TENM3: variants seen among roughly 807,000 people sequenced by gnomAD.
The protein encoded by TENM3 is teneurin-3.
TENM3 carries 63 observed loss-of-function variants against 255.1 expected under a neutral mutation model. The ratio of observed to expected loss-of-function variants is 0.25; its 90% CI spans 0.20 to 0.30. The LOEUF is 0.30. TENM3 is among the 10% of genes least tolerant of loss of function. TENM3 has a pLI of 1.00. For synonymous variants in TENM3, 1,306 were observed against 1,322.3 expected, an observed-to-expected ratio of 0.99 and a Z score of 0.27; for missense variants, 2,929 against 3,461.1, an observed-to-expected ratio of 0.85 and a Z score of 3.86.
chr4:182,154,733 C>T lies in TENM3; in HGVS notation c.-76+9979C>T, dbSNP rs1455890439. On this transcript the variant is annotated intron_variant, in intron 1 of 2. Coordinates refer to the TENM3 transcript ENST00000512480. ...TTCCCCTGGTTAATAATATTGAAAGCAACTTGAGAAGAAAATAGTGACATA... is the reference window on the plus strand; with the variant it reads ...TTCCCCTGGTTAATAATATTGAAAGTAACTTGAGAAGAAAATAGTGACATA... 2.0e-4 allele frequency among the ~76,000 whole-genome samples: 30 copies of T among 152,050 alleles called. No homozygotes were observed. In the South Asian group the frequency reaches 5.4e-3, roughly 27 times the overall value.
At chr4:182,432,848 G>GTTT (rs879866790) in intron 3 of TENM3, among the ~76,000 whole-genome samples, 1 of 147,906 alleles carries the variant, frequency 6.8e-6, no homozygotes, top group Non-Finnish European at 1.5e-5. Flanking sequence ...GAATGGATTT[G>GTTT]GGTGTGTGTG....
At chr4:181,726,785 C>A in the TENM3 span, among the ~76,000 whole-genome samples, 5 of 152,118 alleles carry the variant, frequency 3.3e-5, no homozygotes, top group Non-Finnish European at 7.4e-5. Context: ...AAGATCACCC[C>A]CCACTTCCAA....
chr4:181,897,345 G>C, the TENM3 span, among the ~76,000 whole-genome samples: 1 of 152,136 alleles, frequency 6.6e-6, no homozygotes, highest in Non-Finnish European at 1.5e-5. Flanking sequence ...CAGATATAAA[G>C]ACATACTAAA....
rs747263726 is a variant in TENM3, at chr4:182,738,457, A to G, written c.3292A>G (p.Thr1098Ala). Reference protein sequence around the residue: ...CLDLTLWEKRTAILQGYELDA... With the variant: ...CLDLTLWEKRAAILQGYELDA... ...GGACCTGACTCTGTGGGAAAAGAGG[A>G]CTGCCATTCTGCAGGGCTATGAATT... The change falls in exon 18 of 28, where the codon ACT becomes GCT. Residue 1098 changes from threonine to alanine, a missense_variant. Transcript: ENST00000511685. 2.5e-6 allele frequency: 4 copies of G among 1,613,382 alleles called. No homozygotes were observed. Among genetic ancestry groups the G allele is most frequent in the African/African-American group, 1.3e-5 (1 of 74,998 alleles).
chr4:182,747,848 CTGCTTGCAATA>C (rs1490741163), intron 19 of TENM3, among the ~76,000 whole-genome samples: 1 of 152,158 alleles, frequency 6.6e-6, no homozygotes, highest in Non-Finnish European at 1.5e-5. Context: ...CCCCAAGTCC[CTGCTTGCAATA>C]TTCTAAACAG....
At chr4:182,072,933 A>C in the TENM3 span, among the ~76,000 whole-genome samples, 1 of 152,220 alleles carries the variant, frequency 6.6e-6, no homozygotes, top group Non-Finnish European at 1.5e-5. Flanking sequence ...AAATGAGATT[A>C]TAAGGGTGAA....
the TENM3 span, among the ~76,000 whole-genome samples, chr4:181,948,043 C>T: frequency 6.6e-6 from 1 of 152,180 alleles, no homozygotes; most frequent in African/African-American, 2.4e-5. Flanking sequence ...TTCTCTGAGA[C>T]AGCCTTAGTA....
At chr4:182,252,782 G>A (rs745966394) in intron 1 of TENM3, among the ~76,000 whole-genome samples, 17 of 149,260 alleles carry the variant, frequency 1.1e-4, no homozygotes, top group Non-Finnish European at 1.8e-4. Context: ...TTCAGTGTCC[G>A]TTAAGTGCCA....
the TENM3 span, among the ~76,000 whole-genome samples, chr4:181,739,681 T>A: frequency 4.6e-5 from 7 of 152,190 alleles, no homozygotes; most frequent in Non-Finnish European, 7.4e-5. Flanking sequence ...GCTACCTCAG[T>A]ATGGTCTATG....
At chr4:181,749,187 T>A in the TENM3 span, among the ~76,000 whole-genome samples, 5 of 152,118 alleles carry the variant, frequency 3.3e-5, no homozygotes, top group Non-Finnish European at 5.9e-5. Context: ...TGGTGGGAAC[T>A]GTTTTGAGAA....
intron 7 of TENM3, among the ~76,000 whole-genome samples, chr4:182,674,427 T>C (rs988269728): frequency 2.6e-5 from 4 of 152,154 alleles, no homozygotes; most frequent in African/African-American, 9.6e-5. Flanking sequence ...TATCAGGCTT[T>C]AGTGTATTCA....
the TENM3 span, among the ~76,000 whole-genome samples, chr4:181,707,187 T>G: frequency 6.6e-6 from 1 of 152,284 alleles, no homozygotes; most frequent in South Asian, 2.1e-4. Flanking sequence ...CAAAATCAGG[T>G]TACCTGGAAA....
rs1561269163 is a variant in TENM3, at chr4:182,273,494, C to G, written c.-76+30018C>G. Among the ~76,000 whole-genome samples the G allele has an allele frequency of 1.3e-5, 2 of 152,186 alleles. 1 individual carries two copies. Among genetic ancestry groups the G allele is most frequent in the South Asian group, 4.1e-4 (2 of 4,832 alleles). On this transcript the variant is annotated intron_variant, in intron 1 of 27. Transcript: ENST00000511685. Reference sequence around the variant, plus strand: ...CTATTCTTTACTCTTGTGAGTGAATCAGTAACATGATAAGAATACAAGTCC... The same window carrying G: ...CTATTCTTTACTCTTGTGAGTGAATGAGTAACATGATAAGAATACAAGTCC...
the TENM3 span, among the ~76,000 whole-genome samples, chr4:181,670,632 T>C: frequency 1.3e-5 from 2 of 152,116 alleles, no homozygotes; most frequent in South Asian, 2.1e-4. Context: ...GTGTACTTGG[T>C]TGTAGGGCAT....
the TENM3 span, among the ~76,000 whole-genome samples, chr4:181,541,130 T>C: frequency 6.6e-6 from 1 of 152,120 alleles, no homozygotes. Flanking sequence ...TCCCAACATT[T>C]TGGGAGGCTG....
chr4:182,104,814 C>T, the TENM3 span, among the ~76,000 whole-genome samples: 1 of 151,962 alleles, frequency 6.6e-6, no homozygotes, highest in Non-Finnish European at 1.5e-5. Context: ...TGCCAGGACT[C>T]TCTGGGTAAT....
At chr4:182,613,564 T>A (rs1212936169) in intron 4 of TENM3, among the ~76,000 whole-genome samples, 1 of 152,156 alleles carries the variant, frequency 6.6e-6, no homozygotes, top group Non-Finnish European at 1.5e-5. Context: ...AATTCTCCCG[T>A]TTACTTAAGA....
chr4:182,426,718 CTTA>C (rs1771252206), intron 3 of TENM3, among the ~76,000 whole-genome samples: 1 of 152,094 alleles, frequency 6.6e-6, no homozygotes, highest in African/African-American at 2.4e-5. Flanking sequence ...ATAAAAACCT[CTTA>C]TTATTCCATT....
At chr4:181,633,340 G>C in the TENM3 span, among the ~76,000 whole-genome samples, 1 of 152,172 alleles carries the variant, frequency 6.6e-6, no homozygotes, top group Non-Finnish European at 1.5e-5. Context: ...TATTTTAGCA[G>C]CTATTCTAGA....
Sources: allele counts gnomAD v4.1 joint callset (sites outside exome capture counted in the v4.1 genomes callset), GRCh38; gene constraint gnomAD v4.1.1; transcripts MANE v1.5; gene names NCBI Gene and HGNC (gene_info 2026-07-23, HGNC 2026-07-21).